The following MBP variants were observed in gnomAD, a reference collection of about 807,000 sequenced individuals.
MBP encodes the protein myelin basic protein, also known as Golli-MBP.
MBP carries 16 observed loss-of-function variants against 35.8 expected under a neutral mutation model. The observed-to-expected ratio is 0.45, with a 90% confidence interval of 0.30 to 0.68. MBP has a LOEUF of 0.68. MBP is among the 30% of genes least tolerant of loss of function. The pLI is 0.08. For synonymous variants in MBP, 143 were observed against 159.6 expected, an observed-to-expected ratio of 0.90 and a Z score of 0.78; for missense variants, 380 against 404.7, an observed-to-expected ratio of 0.94 and a Z score of 0.52.
intron 4 of MBP, chr18:77,014,435 T>G (rs914957705): frequency 1.0e-5 from 10 of 985,342 alleles, no homozygotes; most frequent in African/African-American, 3.5e-5. Flanking sequence ...GAACTGTGTG[T>G]GGGGCAGGCC....
chr18:77,132,319 C>T (rs934305072), intron 1 of MBP, among the ~76,000 whole-genome samples: 2 of 152,190 alleles, frequency 1.3e-5, no homozygotes, highest in African/African-American at 2.4e-5. Flanking sequence ...TCGGGGGCGG[C>T]GACTTGGGTT....
chr18:77,014,359 G>T, intron 4 of MBP: 1 of 985,436 alleles, frequency 1.0e-6, no homozygotes, highest in Non-Finnish European at 1.2e-6. Context: ...TAGGGTCATG[G>T]GGGGGCTCCA....
intron 4 of MBP, among the ~76,000 whole-genome samples, chr18:77,007,654 A>G (rs548954318): frequency 6.6e-6 from 1 of 152,172 alleles, no homozygotes; most frequent in African/African-American, 2.4e-5. Flanking sequence ...ACAAACACAC[A>G]CGCACACACA....
At chr18:77,086,948 ACT>A (rs1333491479) in intron 2 of MBP, among the ~76,000 whole-genome samples, 2 of 152,240 alleles carry the variant, frequency 1.3e-5, no homozygotes, top group African/African-American at 4.8e-5. Context: ...GCAATAAACC[ACT>A]TTTTAAAAAG....
At chr18:76,984,604 A>T (rs1969426772) in intron 8 of MBP, 171 bp downstream of exon 8, 2 of 810,312 alleles carry the variant, frequency 2.5e-6, no homozygotes, top group Admixed American at 2.6e-5. Context: ...ATCCACGCGT[A>T]AATGCGGGTG....
rs551687697 is a variant in MBP at position 77,103,427 on chromosome 18, C to T, written c.51+1784G>A. ...ACCACCATCTGCCTCGAGTTGGAGA[C>T]ACATAATTTTATGTTGAATTAAAGT... On this transcript the variant is annotated intron_variant, in intron 2 of 8. Coordinates refer to ENST00000355994, the MANE Select transcript of MBP (RefSeq NM_001025101.2). Among the ~76,000 whole-genome samples the T allele has an allele frequency of 9.3e-4, 141 of 152,258 alleles. 1 individual carries two copies. Among genetic ancestry groups the T allele is most frequent in the South Asian group, 8.1e-3 (39 of 4,810 alleles).
In MBP at chr18:76,980,279, C is replaced by T. The variant is rs368901076; in HGVS notation, c.*148G>A. 8.8e-5 allele frequency: 69 copies of T among 779,780 alleles called. 1 individual carries two copies. Among genetic ancestry groups the T allele is most frequent in the East Asian group, 4.4e-4 (18 of 41,080 alleles). 48.3% of individuals were successfully genotyped at this position (779,780 alleles called of 1,614,324 possible). ...TGGCCGGAAATTGCCGGTAGGCTGC[C>T]GTGGCCTGACCCTACTACGTGCACA... On this transcript the variant is annotated 3_prime_UTR_variant, in exon 9 of 9. Transcript: ENST00000355994.
intron 4 of MBP, chr18:77,016,149 C>T: frequency 1.1e-6 from 1 of 913,436 alleles, no homozygotes; most frequent in Non-Finnish European, 1.3e-6. Flanking sequence ...GACCCCATAG[C>T]AGAGTTTTTT....
chr18:77,018,589 C>T (rs1971801087), intron 3 of MBP, among the ~76,000 whole-genome samples: 1 of 141,878 alleles, frequency 7.0e-6, no homozygotes, highest in African/African-American at 2.8e-5. Context: ...TTCATCCATC[C>T]ACCCACCCCT....
At chr18:76,990,538 A>G (rs572226926) in intron 4 of MBP, among the ~76,000 whole-genome samples, 8 of 152,136 alleles carry the variant, frequency 5.3e-5, no homozygotes, top group Non-Finnish European at 1.0e-4. Flanking sequence ...GATTGGGAAG[A>G]TCCTGTCTAA....
chr18:77,062,248 G>C (rs184011506), intron 3 of MBP, among the ~76,000 whole-genome samples: 1 of 152,188 alleles, frequency 6.6e-6, no homozygotes, highest in Non-Finnish European at 1.5e-5. Flanking sequence ...TTAGCCCCAC[G>C]ATTAGTCAAC....
chr18:76,997,011 G>A (rs1970306686), intron 4 of MBP, among the ~76,000 whole-genome samples: 1 of 152,052 alleles, frequency 6.6e-6, no homozygotes, highest in African/African-American at 2.4e-5. Context: ...CTTCCGCCTC[G>A]GGGCTCCTAC....
In MBP at chr18:76,988,834, T is replaced by TATCA. The variant is rs1348456170; in HGVS notation, c.717+39_717+42dup. The TATCA allele has an allele frequency of 6.3e-7, 1 of 1,586,010 alleles. No individual in the cohort carries two copies. Among genetic ancestry groups the TATCA allele is most frequent in the South Asian group, 1.1e-5 (1 of 88,510 alleles). On this transcript the variant is annotated intron_variant, in intron 6 of 8. Transcript: ENST00000355994. This position sits in a 1 kb window ranked among gnomAD's most constrained non-coding sequence, Gnocchi z 5.2. ...ACATTATGGGATTTTAGAGAAGGTC[T>TATCA]ATCAGAAAAGTGATGATCAATCAAA...
At chr18:77,089,818 T>A (rs915167116) in intron 2 of MBP, among the ~76,000 whole-genome samples, 1 of 151,964 alleles carries the variant, frequency 6.6e-6, no homozygotes. Context: ...CTGCAGGAGG[T>A]GATGAGAAGT....
chr18:77,098,407 T>C (rs1278042596), intron 2 of MBP, among the ~76,000 whole-genome samples: 2 of 152,166 alleles, frequency 1.3e-5, no homozygotes, highest in African/African-American at 4.8e-5. Flanking sequence ...ACAAAGTTTA[T>C]CACTGTCCTA....
rs141701826 is a variant in MBP at position 76,989,987 on chromosome 18, T to C, written c.650A>G (p.Glu217Gly). Reference sequence around the variant, plus strand: ...CTTGAAGAAGTGGACTACGGGGTTTTCATCTTGGGTCCGGCCGTGTGACTT... The same window carrying C: ...CTTGAAGAAGTGGACTACGGGGTTTCCATCTTGGGTCCGGCCGTGTGACTT... ...PQKSHGRTQD[E>G]NPVVHFFKNI... is the part of the protein sequence containing the mutation. Residue 217 changes from glutamate to glycine, a missense_variant, in exon 5 of 9, where the codon GAA becomes GGA. Coordinates refer to ENST00000355994, the MANE Select transcript of MBP (RefSeq NM_001025101.2). The surrounding 1 kb of genome is among the most constrained non-coding windows in gnomAD (Gnocchi z 4.0). The C allele has an allele frequency of 2.3e-4, 375 of 1,612,612 alleles. No homozygotes were observed. The highest frequency in any genetic ancestry group is 6.7e-4 in the Admixed American group (40 of 60,012).
chr18:76,986,346 C>T (rs920064807), intron 7 of MBP: 8 of 985,384 alleles, frequency 8.1e-6, no homozygotes, highest in East Asian at 1.1e-4. Context: ...TGTTTTAGGA[C>T]AGGGAGGACC....
chr18:77,119,960 C>G (rs1433467674), intron 1 of MBP, among the ~76,000 whole-genome samples: 1 of 152,196 alleles, frequency 6.6e-6, no homozygotes, highest in Non-Finnish European at 1.5e-5. Flanking sequence ...GTGGGAGCAG[C>G]TGCAGTGGCC....
Position 77,044,964 on chromosome 18 carries a change from G to A in MBP, c.139+21334C>T, listed in dbSNP as rs1048270439. Among the ~76,000 whole-genome samples, 3 of 131,522 alleles carry A rather than the reference G, an allele frequency of 2.3e-5. No individual in the cohort carries two copies. The highest frequency in any genetic ancestry group is 3.3e-5 in the Non-Finnish European group (2 of 60,854). 86.3% of individuals were successfully genotyped at this position (131,522 alleles called of 152,430 possible). ...ATGAGTGTGTGTGTGTAAGTGTGGT[G>A]TGTGAGTGTGGAGTGTGTGAGTGTT... On this transcript the variant is annotated intron_variant, in intron 3 of 8. Coordinates refer to ENST00000355994, the MANE Select transcript of MBP (RefSeq NM_001025101.2). The surrounding 1 kb of genome is among the most constrained non-coding windows in gnomAD (Gnocchi z 4.4).
Sources: gnomAD v4.1 joint callset for allele counts (sites outside exome capture counted in the v4.1 genomes callset) on GRCh38, gnomAD v4.1.1 for gene constraint, Gnocchi (gnomAD v3.1) non-coding constraint, MANE v1.5 for transcripts, NCBI Gene and HGNC (gene_info 2026-07-23, HGNC 2026-07-21) for gene names.